The following EIF2D variants were observed in gnomAD, a reference collection of about 807,000 sequenced individuals.
EIF2D encodes eukaryotic translation initiation factor 2D, also known as hepatocellular carcinoma-associated antigen 56.
In EIF2D, 56 loss-of-function variants were observed where a neutral mutation model predicts 77.4. That is an observed-to-expected ratio of 0.72 (90% CI 0.58 to 0.90). The LOEUF (loss-of-function observed/expected upper bound fraction) is 0.90, where lower values mean the gene tolerates loss of function less well. Ranked by LOEUF, EIF2D falls within the 40% of genes least tolerant of loss-of-function variation. EIF2D has a pLI of 0.00. For synonymous variants in EIF2D, 230 were observed against 271.0 expected (o/e 0.85, Z 1.49); for missense variants, 574 against 706.5 (o/e 0.81, Z 2.13).
chr1:206,604,305 T>C (rs1670074472), intron 5 of EIF2D, among the ~76,000 whole-genome samples: 1 of 151,830 alleles, frequency 6.6e-6, no homozygotes. Context: ...TAGCCGGATG[T>C]TTTGGGCACA....
downstream of EIF2D, chr1:206,587,622 C>CCTGGCT (rs1669170767): frequency 1.3e-5 from 2 of 155,004 alleles, no homozygotes; most frequent in African/African-American, 2.4e-5. Flanking sequence ...CTGCCCTGGC[C>CCTGGCT]CTGGCTCTGG....
chr1:206,605,053 T>C (rs1397668520), intron 5 of EIF2D: 1 of 177,942 alleles, frequency 5.6e-6, no homozygotes, highest in African/African-American at 2.4e-5. Flanking sequence ...GAAGCACTCA[T>C]CATGGGGTCA....
At chr1:206,573,480 G>T (rs1381706986) in intron 4 of EIF2D, among the ~76,000 whole-genome samples, 1 of 152,206 alleles carries the variant, frequency 6.6e-6, no homozygotes, top group African/African-American at 2.4e-5. Flanking sequence ...ACAGGCACGG[G>T]TGCTTCTCTC....
At chr1:206,586,766 T>C (rs1207257296), downstream of EIF2D, 8 of 1,379,478 alleles carry the variant, frequency 5.8e-6, no homozygotes, top group Non-Finnish European at 7.1e-6. Context: ...TCAGGTCGTG[T>C]CAACTTCTAA....
intron 5 of EIF2D, chr1:206,603,429 C>G (rs1558537852): frequency 3.8e-6 from 2 of 526,976 alleles, no homozygotes; most frequent in South Asian, 6.3e-5. Context: ...GAGAATAAAT[C>G]TTGTCTCCTC....
intron 6 of EIF2D, 21 bp downstream of exon 6, chr1:206,602,930 C>T (rs369288910): frequency 1.2e-6 from 2 of 1,611,118 alleles, no homozygotes; most frequent in Non-Finnish European, 1.7e-6. Flanking sequence ...GAGATGGGCT[C>T]TTCTCCTCCT....
At chr1:206,582,926 T>C (rs1187422742) in intron 2 of EIF2D, among the ~76,000 whole-genome samples, 1 of 152,178 alleles carries the variant, frequency 6.6e-6, no homozygotes, top group Non-Finnish European at 1.5e-5. Flanking sequence ...CATAAGCAAA[T>C]GCGGCTCTGC....
At position 206,599,668 on chromosome 1, in the gene EIF2D, C is replaced by A; in HGVS notation, c.1053-56G>T. On this transcript the variant is annotated intron_variant, in intron 9 of 14. Transcript: ENST00000271764. The surrounding 1 kb of genome is among the most constrained non-coding windows in gnomAD (Gnocchi z 4.1). Reference sequence around the variant, plus strand: ...CATTTTATACTAGCATCTCAGCAATCCCCAGTCCGTGGCCCAGGTGCCCTG... The same window carrying A: ...CATTTTATACTAGCATCTCAGCAATACCCAGTCCGTGGCCCAGGTGCCCTG... 6.2e-7 allele frequency: 1 copy of A among 1,611,756 alleles called. No homozygotes were observed. Among genetic ancestry groups the A allele is most frequent in the Non-Finnish European group, 8.5e-7 (1 of 1,178,892 alleles).
chr1:206,600,946 A>C (rs778441038), intron 7 of EIF2D: 1 of 152,300 alleles, frequency 6.6e-6, no homozygotes, highest in Non-Finnish European at 1.5e-5. Context: ...TTACAGAAAA[A>C]CATGCTGACC....
chr1:206,591,525 T>A, downstream of EIF2D: 2 of 525,986 alleles, frequency 3.8e-6, no homozygotes, highest in South Asian at 4.9e-5. Context: ...AATGAAATCA[T>A]TGAAACCACA....
At chr1:206,609,636 A>C (rs572218851) in intron 2 of EIF2D, among the ~76,000 whole-genome samples, 177 bp from the exon 3 acceptor site, 3 of 152,292 alleles carry the variant, frequency 2.0e-5, no homozygotes, top group South Asian at 4.1e-4. Context: ...GAAGGAAAAA[A>C]CCTAAGAAAC....
Position 206,599,655 on chromosome 1 carries a change from G to A in EIF2D, c.1053-43C>T, listed in dbSNP as rs782539378. ...GAAAGAAAAAACACATTTTATACTA[G>A]CATCTCAGCAATCCCCAGTCCGTGG... is the stretch of plus-strand genomic sequence containing the variant. On this transcript the variant is annotated intron_variant, in intron 9 of 14. Transcript: ENST00000271764. The surrounding 1 kb of genome is among the most constrained non-coding windows in gnomAD (Gnocchi z 4.1). 1 of 1,607,224 alleles carries A rather than the reference G, an allele frequency of 6.2e-7. No homozygotes were observed. The highest frequency in any genetic ancestry group is 8.5e-7 in the Non-Finnish European group (1 of 1,177,162).
chr1:206,610,602 T>C (rs6684843), intron 2 of EIF2D, among the ~76,000 whole-genome samples: 13,441 of 152,062 alleles, frequency 0.088, 674 homozygotes, highest in South Asian at 0.15. Flanking sequence ...GGGCGGATCA[T>C]GAGGTCAGGA....
In EIF2D at chr1:206,575,039, T is replaced by TGTTTTTG. The variant is rs71570016; in HGVS notation, c.*255-2341_*255-2340insCAAAAAC. 5.4e-3 allele frequency among the ~76,000 whole-genome samples: 810 copies of TGTTTTTG among 151,378 alleles called. 10 individuals carry two copies. Among genetic ancestry groups the TGTTTTTG allele is most frequent in the African/African-American group, 0.018 (754 of 41,244 alleles). On this transcript the variant is annotated intron_variant and NMD_transcript_variant, in intron 4 of 5. Transcript: ENST00000472709. ...ATTTTTTTGTTTTTGTTTTTGTTTT[T>TGTTTTTG]TTTTTTAGAAGAGACAGGGTTTCAT...
downstream of EIF2D, chr1:206,587,092 C>A: frequency 7.7e-7 from 1 of 1,294,122 alleles, no homozygotes; most frequent in Non-Finnish European, 1.1e-6. Context: ...TTGTGCCTGC[C>A]CAGCAGTTCC....
At chr1:206,574,254 G>A (rs1163799757) in intron 4 of EIF2D, among the ~76,000 whole-genome samples, 6 of 152,208 alleles carry the variant, frequency 3.9e-5, no homozygotes, top group African/African-American at 1.4e-4. Flanking sequence ...GATCTGTGCT[G>A]CTTGAGGCTT....
chr1:206,592,056 T>C lies in EIF2D; in HGVS notation c.1685-211A>G, dbSNP rs1669363513. ...TTTCTGGGTGTATTTCAGGCATTTA[T>C]AATTTTTTCACGAGAGAGAATGTGT... On this transcript the variant is annotated intron_variant, in intron 14 of 14. Coordinates refer to ENST00000271764, the MANE Select transcript of EIF2D (RefSeq NM_006893.3). The surrounding 1 kb of genome is among the most constrained non-coding windows in gnomAD (Gnocchi z 4.7). 6.6e-6 allele frequency among the ~76,000 whole-genome samples: 1 copy of C among 152,244 alleles called. No individual in the cohort carries two copies. The highest frequency in any genetic ancestry group is 1.5e-5 in the Non-Finnish European group (1 of 68,040).
intron 5 of EIF2D, chr1:206,604,901 G>A (rs17012544): frequency 0.018 from 2,695 of 152,326 alleles, 50 homozygotes; most frequent in South Asian, 0.077. Context: ...ACAGGTACGC[G>A]TCTCAAGAAT....
At position 206,593,673 on chromosome 1, in the gene EIF2D, G is replaced by A; in HGVS notation, c.1630C>T (p.Leu544Phe). The A allele has an allele frequency of 3.7e-6, 6 of 1,613,988 alleles. No homozygotes were observed. The highest frequency in any genetic ancestry group is 2.2e-5 in the South Asian group (2 of 91,058). The part of the protein sequence containing the change: ...VNPAPGAKDS[L>F]QVQIQGNQVH... ...TGGTTTCCCTGGATCTGCACCTGAA[G>A]GCTGTCCTTGGCCCCAGGGGCAGGA... The change falls in exon 14 of 15, where the codon CTT becomes TTT. Residue 544 changes from leucine (L) to phenylalanine (F), a missense_variant. Transcript: ENST00000271764.
Sources: gnomAD v4.1 joint callset for allele counts (sites outside exome capture counted in the v4.1 genomes callset) on GRCh38, gnomAD v4.1.1 for gene constraint, Gnocchi (gnomAD v3.1) non-coding constraint, MANE v1.5 for transcripts, NCBI Gene and HGNC (gene_info 2026-07-23, HGNC 2026-07-21) for gene names.